The following PTPRD variants were observed in gnomAD, a reference collection of about 807,000 sequenced individuals.
The protein encoded by PTPRD is receptor-type tyrosine-protein phosphatase delta.
PTPRD carries 34 observed loss-of-function variants against 214.5 expected under a neutral mutation model. The observed-to-expected ratio is 0.16, with a 90% confidence interval of 0.12 to 0.21. PTPRD has a LOEUF of 0.21. Ranked by LOEUF, PTPRD falls within the 10% of genes least tolerant of loss-of-function variation. The pLI is 1.00. For missense variants in PTPRD, 2,545 were observed against 2,398.7 expected, an observed-to-expected ratio of 1.06 and a Z score of -1.27; for synonymous variants, 1,128 against 845.7, an observed-to-expected ratio of 1.33 and a Z score of -5.79.
chr9:8,829,058 AATAG>A (rs1361039827), intron 11 of PTPRD, among the ~76,000 whole-genome samples: 2 of 152,250 alleles, frequency 1.3e-5, no homozygotes, highest in Non-Finnish European at 2.9e-5. Flanking sequence ...TTCCAAATTA[AATAG>A]ATAATCACTA....
intron 14 of PTPRD, among the ~76,000 whole-genome samples, chr9:8,595,234 T>C (rs753784393): frequency 1.3e-5 from 2 of 151,768 alleles, no homozygotes; most frequent in Admixed American, 6.6e-5. Context: ...TGTGAAAAGA[T>C]TGCAGACAAC....
intron 8 of PTPRD, among the ~76,000 whole-genome samples, chr9:9,505,070 T>G (rs1215286976): frequency 1.3e-5 from 2 of 151,572 alleles, no homozygotes; most frequent in Non-Finnish European, 3.0e-5. Context: ...GCTCCCTCAC[T>G]CAGGGTCAAG....
intron 3 of PTPRD, among the ~76,000 whole-genome samples, chr9:10,064,977 T>C (rs562100557): frequency 2.6e-5 from 4 of 152,016 alleles, no homozygotes; most frequent in East Asian, 3.9e-4. Context: ...ATTCAGTCAA[T>C]AGTGATTTGA....
intron 2 of PTPRD, among the ~76,000 whole-genome samples, chr9:10,437,658 C>A (rs1447305018): frequency 6.6e-6 from 1 of 151,618 alleles, no homozygotes; most frequent in Non-Finnish European, 1.5e-5. Flanking sequence ...TGTTATTGAG[C>A]AAACCTACAG....
intron 11 of PTPRD, among the ~76,000 whole-genome samples, chr9:8,782,609 T>G (rs937935554): frequency 1.8e-4 from 27 of 151,070 alleles, no homozygotes; most frequent in Admixed American, 4.6e-4. Context: ...TTTTTTTTTT[T>G]TTTTTTGAGA....
chr9:10,553,489 C>A (rs1173894707), intron 2 of PTPRD, among the ~76,000 whole-genome samples: 1 of 152,036 alleles, frequency 6.6e-6, no homozygotes, highest in African/African-American at 2.4e-5. Flanking sequence ...GTTATGTATA[C>A]CTCCAGAGAT....
chr9:8,467,595 G>C (rs2096568904), intron 31 of PTPRD, among the ~76,000 whole-genome samples: 1 of 151,618 alleles, frequency 6.6e-6, no homozygotes, highest in African/African-American at 2.4e-5. Context: ...CCATGTTAGA[G>C]ATTTTTTCAA....
intron 9 of PTPRD, among the ~76,000 whole-genome samples, chr9:9,329,736 T>C (rs995450466): frequency 3.3e-5 from 5 of 152,218 alleles, no homozygotes; most frequent in Admixed American, 2.6e-4. Flanking sequence ...GAGGTTTGGT[T>C]CTTCACAGCT....
In PTPRD at chr9:9,031,633, G is replaced by C. The variant is rs552591091; in HGVS notation, c.-142-12898C>G. ...CCACCAATAAATACGTGGTCCATCA[G>C]TGACTGGAATGTTGTATATATAAAT... On this transcript the variant is annotated intron_variant, in intron 10 of 45. Coordinates refer to ENST00000381196, the MANE Select transcript of PTPRD (RefSeq NM_002839.4). 4.6e-4 allele frequency among the ~76,000 whole-genome samples: 70 copies of C among 152,156 alleles called. No individual in the cohort carries two copies. The South Asian group carries it at 0.015, about 32-fold the overall frequency.
chr9:9,970,655 T>C (rs2095045990), intron 4 of PTPRD, among the ~76,000 whole-genome samples: 1 of 152,008 alleles, frequency 6.6e-6, no homozygotes, highest in South Asian at 2.1e-4. Flanking sequence ...TTTAGGTAGT[T>C]ACAGAGAACA....
intron 11 of PTPRD, among the ~76,000 whole-genome samples, chr9:8,849,539 T>C (rs1191102280): frequency 1.3e-5 from 2 of 152,162 alleles, no homozygotes; most frequent in Non-Finnish European, 2.9e-5. Context: ...AATTCTTTAG[T>C]TCAACTCAAT....
chr9:8,770,605 G>A (rs1433950458), intron 11 of PTPRD, among the ~76,000 whole-genome samples: 5 of 152,058 alleles, frequency 3.3e-5, no homozygotes, highest in African/African-American at 1.2e-4. Context: ...TTACACTTCA[G>A]ACCAAACTCA....
At chr9:8,513,817 T>C (rs1335207603) in intron 21 of PTPRD, among the ~76,000 whole-genome samples, 2 of 152,086 alleles carry the variant, frequency 1.3e-5, no homozygotes, top group Non-Finnish European at 2.9e-5. Flanking sequence ...TAATTAAGCC[T>C]ATAGAACAGA....
chr9:9,836,149 A>C (rs1332127355), intron 5 of PTPRD, among the ~76,000 whole-genome samples: 1 of 152,186 alleles, frequency 6.6e-6, no homozygotes, highest in Non-Finnish European at 1.5e-5. Context: ...GGAAATGGGA[A>C]TATCAAGAGT....
intron 2 of PTPRD, among the ~76,000 whole-genome samples, chr9:10,583,774 G>C (rs570462558): frequency 3.9e-5 from 6 of 152,264 alleles, no homozygotes; most frequent in African/African-American, 1.4e-4. Context: ...CACCGCGCCC[G>C]GCCACAGGTG....
chr9:9,889,417 G>C (rs111735241), intron 5 of PTPRD, among the ~76,000 whole-genome samples: 1 of 151,932 alleles, frequency 6.6e-6, no homozygotes, highest in Non-Finnish European at 1.5e-5. Context: ...AAATTTAAAA[G>C]TATTTAAATA....
intron 10 of PTPRD, among the ~76,000 whole-genome samples, chr9:9,179,646 C>T (rs1294295398): frequency 6.6e-6 from 1 of 152,066 alleles, no homozygotes; most frequent in Non-Finnish European, 1.5e-5. Context: ...CATACACCCT[C>T]CTTTTAAAAA....
At chr9:9,380,683 G>A (rs1483917062) in intron 9 of PTPRD, among the ~76,000 whole-genome samples, 1 of 152,106 alleles carries the variant, frequency 6.6e-6, no homozygotes. Flanking sequence ...GTCTATAGAT[G>A]CCAATTATAT....
intron 4 of PTPRD, among the ~76,000 whole-genome samples, chr9:10,012,147 C>T (rs954528849): frequency 5.9e-5 from 9 of 151,748 alleles, no homozygotes; most frequent in African/African-American, 2.2e-4. Flanking sequence ...AGTTGTTTAA[C>T]ATTGTAAGAC....
Sources: gnomAD v4.1 joint callset for allele counts (sites outside exome capture counted in the v4.1 genomes callset) on GRCh38, gnomAD v4.1.1 for gene constraint, MANE v1.5 for transcripts, NCBI Gene and HGNC (gene_info 2026-07-23, HGNC 2026-07-21) for gene names.